MOXD1: variants seen among roughly 807,000 people sequenced by gnomAD.
The protein encoded by MOXD1 is DBH-like monooxygenase protein 1.
A neutral mutation model predicts 66.6 loss-of-function variants in MOXD1; 62 were observed. The observed-to-expected ratio is 0.93, with a 90% CI of 0.76 to 1.15. MOXD1 has a LOEUF of 1.15. Among genes scored for constraint, MOXD1 ranks in the 50% most tolerant of loss-of-function variants. The probability of loss-of-function intolerance (pLI) is 0.00; values close to 1 mark genes in which losing one functional copy is unlikely to be tolerated. For synonymous variants in MOXD1, 303 were observed against 281.9 expected, an observed-to-expected ratio of 1.07 and a Z score of -0.75; for missense variants, 847 against 754.6, an observed-to-expected ratio of 1.12 and a Z score of -1.44.
intron 1 of MOXD1, among the ~76,000 whole-genome samples, chr6:132,397,052 C>T (rs1776897477): frequency 6.6e-6 from 1 of 152,186 alleles, no homozygotes; most frequent in African/African-American, 2.4e-5. Flanking sequence ...TGCCACCTGG[C>T]CTCTTGGTTC....
chr6:132,400,763 C>G (rs868015332), intron 1 of MOXD1, among the ~76,000 whole-genome samples: 1 of 152,252 alleles, frequency 6.6e-6, no homozygotes, highest in African/African-American at 2.4e-5. Context: ...CCGCGACGTA[C>G]TAAAGCGCTC....
intron 6 of MOXD1, among the ~76,000 whole-genome samples, chr6:132,324,409 G>A (rs370150306): frequency 3.9e-5 from 6 of 152,252 alleles, no homozygotes; most frequent in Admixed American, 3.3e-4. Context: ...CATGAAGACA[G>A]AATGAAGATT....
chr6:132,380,646 G>T (rs1231998103), intron 1 of MOXD1, among the ~76,000 whole-genome samples: 1 of 152,070 alleles, frequency 6.6e-6, no homozygotes, highest in Non-Finnish European at 1.5e-5. Context: ...TCAACCATGT[G>T]ATAATTGCCT....
chr6:132,336,585 C>T (rs565922926), intron 4 of MOXD1, among the ~76,000 whole-genome samples: 1 of 152,176 alleles, frequency 6.6e-6, no homozygotes, highest in African/African-American at 2.4e-5. Flanking sequence ...ATCTTTGCAC[C>T]ACAGACACTC....
intron 4 of MOXD1, among the ~76,000 whole-genome samples, chr6:132,348,913 G>A (rs1391411609): frequency 3.9e-5 from 6 of 152,114 alleles, no homozygotes; most frequent in Admixed American, 3.9e-4. Context: ...AAGGTGCCAA[G>A]TCTTTCATCT....
intron 3 of MOXD1, 47 bp downstream of exon 3, chr6:132,372,783 C>A (rs1177173991): frequency 6.2e-7 from 1 of 1,610,712 alleles, no homozygotes; most frequent in Non-Finnish European, 8.5e-7. Context: ...CTCGTATACA[C>A]TTTCAATAAG....
chr6:132,309,422 TATC>T (rs1774773003), intron 10 of MOXD1, among the ~76,000 whole-genome samples: 1 of 152,204 alleles, frequency 6.6e-6, no homozygotes, highest in Non-Finnish European at 1.5e-5. Context: ...GTAGAATCAA[TATC>T]ATGAAAATGG....
At chr6:132,373,611 C>T (rs1027113482) in intron 2 of MOXD1, among the ~76,000 whole-genome samples, 3 of 151,952 alleles carry the variant, frequency 2.0e-5, no homozygotes, top group East Asian at 1.9e-4. Flanking sequence ...ACTGGTTTAC[C>T]ACAACTATGG....
At chr6:132,393,876 C>T (rs1481655769) in intron 1 of MOXD1, among the ~76,000 whole-genome samples, 1 of 152,184 alleles carries the variant, frequency 6.6e-6, no homozygotes, top group Non-Finnish European at 1.5e-5. Context: ...TTTTCATGTG[C>T]CATCTGCAGG....
intron 4 of MOXD1, among the ~76,000 whole-genome samples, chr6:132,360,621 G>A (rs1775999566): frequency 6.6e-6 from 1 of 152,020 alleles, no homozygotes; most frequent in Admixed American, 6.6e-5. Context: ...CTCCTTTACT[G>A]CCACTATCAC....
intron 4 of MOXD1, among the ~76,000 whole-genome samples, chr6:132,332,449 C>T (rs1775340938): frequency 6.6e-6 from 1 of 152,076 alleles, no homozygotes; most frequent in Non-Finnish European, 1.5e-5. Flanking sequence ...AATTAAGAAA[C>T]TGATAATATG....
In MOXD1 at chr6:132,401,043, C is replaced by G; in HGVS notation, c.264+120G>C. 2.4e-6 allele frequency: 3 copies of G among 1,254,032 alleles called. No individual in the cohort carries two copies. In the South Asian group the frequency reaches 5.4e-5, roughly 23 times the overall value. The allele number at this position is 1,254,032 out of a possible 1,614,324, so 77.7% of individuals were successfully genotyped here. A position where few individuals can be genotyped will look rare whatever the true frequency, so the allele number is the denominator to read the frequency against. On this transcript the variant is annotated intron_variant, in intron 1 of 11. Coordinates refer to ENST00000367963, the MANE Select transcript of MOXD1 (RefSeq NM_015529.4). ...GCGAGAGTGAGCGTGGCCGGGGGCG[C>G]GGGGCTGCGCCAGGTGAGAGAGAGC... is the stretch of plus-strand genomic sequence containing the variant.
At chr6:132,312,620 T>C (rs758029560) in intron 10 of MOXD1, among the ~76,000 whole-genome samples, 2 of 151,950 alleles carry the variant, frequency 1.3e-5, no homozygotes, top group African/African-American at 4.8e-5. Context: ...CTTTTTTCTT[T>C]TTTTTGGCAG....
intron 1 of MOXD1, among the ~76,000 whole-genome samples, chr6:132,378,246 AT>A (rs1776434973): frequency 6.6e-6 from 1 of 152,186 alleles, no homozygotes; most frequent in East Asian, 1.9e-4. Context: ...ATTATTTAAC[AT>A]GTTTACTTCA....
intron 5 of MOXD1, 60 bp from the exon 6 acceptor site, chr6:132,328,175 A>C (rs1775230240): frequency 1.4e-6 from 2 of 1,425,230 alleles, no homozygotes; most frequent in Non-Finnish European, 2.0e-6. Context: ...GCTCTATTCC[A>C]CTCAAAAACC....
intron 1 of MOXD1, among the ~76,000 whole-genome samples, chr6:132,378,523 T>G (rs1239234357): frequency 6.6e-6 from 1 of 151,974 alleles, no homozygotes; most frequent in Non-Finnish European, 1.5e-5. Context: ...AGAAAAAGAT[T>G]AAAAAAAGCA....
At chr6:132,374,532 A>G (rs1013262784) in intron 2 of MOXD1, 99 bp downstream of exon 2, 1 of 1,070,122 alleles carries the variant, frequency 9.3e-7, no homozygotes, top group Non-Finnish European at 1.3e-6. Context: ...AAAATATTAG[A>G]AAAAAGACTA....
chr6:132,360,291 T>C (rs986138046), intron 4 of MOXD1, among the ~76,000 whole-genome samples: 14 of 152,214 alleles, frequency 9.2e-5, no homozygotes, highest in African/African-American at 2.9e-4. Context: ...ATGGGCAAAT[T>C]ACTTAACCTT....
At chr6:132,297,487 A>G (rs1774431696) in intron 11 of MOXD1, among the ~76,000 whole-genome samples, 170 bp from the exon 12 acceptor site, 1 of 152,118 alleles carries the variant, frequency 6.6e-6, no homozygotes, top group South Asian at 2.1e-4. Context: ...GGAAACAGAA[A>G]AGAGGGCCAG....
Sources: gnomAD v4.1 joint callset for allele counts (sites outside exome capture counted in the v4.1 genomes callset) on GRCh38, gnomAD v4.1.1 for gene constraint, MANE v1.5 for transcripts, NCBI Gene and HGNC (gene_info 2026-07-23, HGNC 2026-07-21) for gene names.